Variants in DNAH12 observed in about 807,000 individuals in gnomAD.
DNAH12 encodes the protein axonemal beta dynein heavy chain 12.
In DNAH12, 285 loss-of-function variants were observed where a neutral mutation model predicts 371.5. The observed-to-expected ratio is 0.77, with a 90% CI of 0.70 to 0.85. The LOEUF (loss-of-function observed/expected upper bound fraction) is 0.85. Ranked by LOEUF, DNAH12 falls within the 40% of genes least tolerant of loss-of-function variation. The pLI is 0.00. For missense variants in DNAH12, 3,611 were observed against 3,689.4 expected (o/e 0.98, Z 0.55); for synonymous variants, 1,200 against 1,213.0 (o/e 0.99, Z 0.22).
chr3:57,352,551 G>T (rs1401614980), intron 59 of DNAH12, among the ~76,000 whole-genome samples: 6 of 151,490 alleles, frequency 4.0e-5, no homozygotes, highest in Non-Finnish European at 8.8e-5. Flanking sequence ...TAAAATGTAG[G>T]GTATAATTCT....
rs147145284 is a variant in DNAH12, at chr3:57,341,786, C to T, written c.9675-6846G>A. On this transcript the variant is annotated intron_variant, in intron 60 of 73. Transcript: ENST00000495027. ...AAATCCTAAAATTTGCATGGAACCA[C>T]GAAAGACCGCAAATAGCCAAAACAA... Among the ~76,000 whole-genome samples, 493 of 151,884 alleles carry T rather than the reference C, an allele frequency of 3.2e-3. 4 individuals are homozygous for T. Among genetic ancestry groups the T allele is most frequent in the African/African-American group, 0.011 (439 of 41,436 alleles).
chr3:57,452,378 A>G (rs1455937569), intron 25 of DNAH12, among the ~76,000 whole-genome samples: 1 of 152,148 alleles, frequency 6.6e-6, no homozygotes, highest in African/African-American at 2.4e-5. Flanking sequence ...CAGGGTTTTT[A>G]TAGTTGAACA....
chr3:57,446,022 T>TAAAC lies in DNAH12; in HGVS notation c.4179+8_4179+9insGTTT. ...ATAAATAAATAAATAAATAAATAAA[T>TAAAC]AATATTACCTTAAGATTGTCCGGCA... On this transcript the variant is annotated intron_variant, in intron 27 of 73. Coordinates refer to ENST00000495027, the MANE Select transcript of DNAH12 (RefSeq NM_001366028.2). The TAAAC allele has an allele frequency of 3.1e-6, 1 of 323,888 alleles. No individual in the cohort carries two copies. Among genetic ancestry groups the TAAAC allele is most frequent in the Middle Eastern group, 9.1e-4 (1 of 1,096 alleles). 20.1% of individuals were successfully genotyped at this position (323,888 alleles called of 1,614,324 possible).
At chr3:57,356,046 G>C (rs2153324534) in intron 59 of DNAH12, among the ~76,000 whole-genome samples, 1 of 152,258 alleles carries the variant, frequency 6.6e-6, no homozygotes, top group East Asian at 1.9e-4. Flanking sequence ...TAGGCATGCA[G>C]CTAGTATGTG....
Position 57,419,375 on chromosome 3 carries a change from G to C in DNAH12, c.5706C>G (p.Thr1902=), listed in dbSNP as rs1465482311. The change falls in exon 37 of 74, where the codon ACC becomes ACG. Residue 1902 remains threonine, a synonymous_variant. Coordinates refer to ENST00000495027, the MANE Select transcript of DNAH12 (RefSeq NM_001366028.2). ...ATAGCAGAGTTCCTTACTTTGCATA[G>C]GTAATACTCAAATCCATTAGAAACG... ...RYTFLMDLSI[T]YAKPLLFVGP... The C allele has an allele frequency of 6.7e-7, 1 of 1,497,402 alleles. No homozygotes were observed. Among genetic ancestry groups the C allele is most frequent in the South Asian group, 1.4e-5 (1 of 72,116 alleles). The allele number at this position is 1,497,402 out of a possible 1,614,324, so 92.8% of individuals were successfully genotyped here. A position where few individuals can be genotyped will look rare whatever the true frequency, so the allele number is the denominator to read the frequency against.
chr3:57,418,036 C>T (rs967054950), intron 37 of DNAH12, among the ~76,000 whole-genome samples: 3 of 151,896 alleles, frequency 2.0e-5, no homozygotes, highest in Non-Finnish European at 4.4e-5. Context: ...CCTGTAATCC[C>T]AGCTACTCAG....
chr3:57,338,004 G>T (rs552438541), intron 60 of DNAH12, among the ~76,000 whole-genome samples: 1 of 152,140 alleles, frequency 6.6e-6, no homozygotes, highest in South Asian at 2.1e-4. Flanking sequence ...AAATTGTTTC[G>T]CTCTCCCTCT....
chr3:57,393,774 A>G (rs995733470), intron 44 of DNAH12, among the ~76,000 whole-genome samples: 74 of 152,266 alleles, frequency 4.9e-4, no homozygotes, highest in African/African-American at 1.7e-3. Context: ...TATCAAACCC[A>G]TAAGATAGTT....
At chr3:57,364,270 C>A (rs2062999683) in intron 57 of DNAH12, among the ~76,000 whole-genome samples, 1 of 152,120 alleles carries the variant, frequency 6.6e-6, no homozygotes, top group Non-Finnish European at 1.5e-5. Context: ...ATAACACAGT[C>A]TACCATGGAA....
chr3:57,499,909 T>C (rs1037535632), intron 11 of DNAH12, among the ~76,000 whole-genome samples: 1 of 151,432 alleles, frequency 6.6e-6, no homozygotes, highest in East Asian at 1.9e-4. Flanking sequence ...AAAGTATACA[T>C]TAAAAAATCT....
At chr3:57,430,297 G>T (rs2064917500) in intron 32 of DNAH12, among the ~76,000 whole-genome samples, 1 of 152,014 alleles carries the variant, frequency 6.6e-6, no homozygotes, top group Non-Finnish European at 1.5e-5. Flanking sequence ...ACATTCAAAT[G>T]CCTATGTTTC....
In DNAH12 at chr3:57,446,278, C is replaced by T. The variant is rs764284277; in HGVS notation, c.3940-8G>A. Reference sequence around the variant, plus strand: ...AGCCAGTCCTTTAAAAAACTAAGGACAAAGAAAAAGGAAAGTGATTTTTTT... The same window carrying T: ...AGCCAGTCCTTTAAAAAACTAAGGATAAAGAAAAAGGAAAGTGATTTTTTT... On this transcript the variant is annotated splice_region_variant and splice_polypyrimidine_tract_variant and intron_variant, in intron 26 of 73. Transcript: ENST00000495027. 1.5e-5 allele frequency: 23 copies of T among 1,543,594 alleles called. No individual in the cohort carries two copies. Among genetic ancestry groups the T allele is most frequent in the Admixed American group, 2.0e-5 (1 of 49,948 alleles).
At chr3:57,428,376 A>G (rs1184177275) in intron 34 of DNAH12, 3 of 1,370,352 alleles carry the variant, frequency 2.2e-6, no homozygotes, top group Non-Finnish European at 2.9e-6. Context: ...CATATTTAAA[A>G]TAATTTGAAA....
intron 11 of DNAH12, among the ~76,000 whole-genome samples, chr3:57,495,562 C>T (rs760712035): frequency 2.9e-5 from 4 of 138,362 alleles, no homozygotes; most frequent in Non-Finnish European, 4.6e-5. Flanking sequence ...CTAGCCTGGG[C>T]GACAAGAGTG....
At position 57,471,521 on chromosome 3, in the gene DNAH12, C is replaced by T. The variant is rs759126410; in HGVS notation, c.1862G>A (p.Arg621His). The T allele has an allele frequency of 9.0e-5, 139 of 1,549,024 alleles. No homozygotes were observed. Among genetic ancestry groups the T allele is most frequent in the African/African-American group, 1.5e-4 (11 of 72,894 alleles). ...AAATTCTGTAAACTCCTCCATGCGG[C>T]GTGATTCTTTTTCTATTTCCAAAAT... The part of the protein sequence containing the change: ...KLILEIEKES[R>H]RMEEFTEFAE... Residue 621 changes from arginine to histidine, a missense_variant, in exon 15 of 74, where the codon CGC (arginine) becomes CAC (histidine). Transcript: ENST00000495027.
At chr3:57,319,391 AG>A (rs1387681759) in intron 65 of DNAH12, among the ~76,000 whole-genome samples, 1 of 152,144 alleles carries the variant, frequency 6.6e-6, no homozygotes, top group Non-Finnish European at 1.5e-5. Flanking sequence ...TGTTCAGTCT[AG>A]GACTTCCAGT....
chr3:57,451,779 C>A (rs189976068), intron 25 of DNAH12, among the ~76,000 whole-genome samples: 6 of 152,242 alleles, frequency 3.9e-5, no homozygotes, highest in East Asian at 3.9e-4. Context: ...TGTTAACTGT[C>A]TCTCTAAAGT....
chr3:57,470,366 C>CA (rs35152693), intron 16 of DNAH12, 77 bp downstream of exon 16: 503,162 of 1,218,626 alleles, frequency 0.41, 68,570 homozygotes, highest in Middle Eastern at 0.48. Context: ...AACACTTAAC[C>CA]AAAAAAAAAA....
At chr3:57,542,642 G>A in intron 2 of DNAH12, 59 bp downstream of exon 2, 3 of 1,511,260 alleles carry the variant, frequency 2.0e-6, no homozygotes, top group Non-Finnish European at 2.6e-6. Flanking sequence ...AGGAGAATAT[G>A]AACACTAATC....
Sources: allele counts gnomAD v4.1 joint callset (sites outside exome capture counted in the v4.1 genomes callset), GRCh38; gene constraint gnomAD v4.1.1; transcripts MANE v1.5; gene names NCBI Gene and HGNC (gene_info 2026-07-23, HGNC 2026-07-21).